The following ARHGEF28 variants were observed in gnomAD, a reference collection of about 807,000 sequenced individuals.
ARHGEF28 encodes the protein Rho guanine nucleotide exchange factor 28.
In ARHGEF28, 152 loss-of-function variants were observed where a neutral mutation model predicts 206.6. That is an observed-to-expected ratio of 0.74 (90% CI 0.64 to 0.84). ARHGEF28 has a LOEUF of 0.84. Ranked by LOEUF, ARHGEF28 falls within the 40% of genes least tolerant of loss-of-function variation. The pLI, the probability that ARHGEF28 is intolerant of heterozygous loss-of-function variation, is 0.00. For missense variants in ARHGEF28, 2,028 were observed against 2,073.2 expected (o/e 0.98, Z 0.42); for synonymous variants, 763 against 776.4 (o/e 0.98, Z 0.29).
chr5:73,732,864 G>C (rs1750698930), intron 2 of ARHGEF28, among the ~76,000 whole-genome samples: 1 of 152,078 alleles, frequency 6.6e-6, no homozygotes, highest in South Asian at 2.1e-4. Flanking sequence ...TGATTCTTTT[G>C]GTTTACAAAA....
At chr5:73,648,409 C>A (rs1478577558) in intron 1 of ARHGEF28, among the ~76,000 whole-genome samples, 1 of 152,104 alleles carries the variant, frequency 6.6e-6, no homozygotes, top group African/African-American at 2.4e-5. Flanking sequence ...GGAAATATGC[C>A]ATTTCTAGGA....
At chr5:73,819,604 C>A (rs899629073) in intron 9 of ARHGEF28, among the ~76,000 whole-genome samples, 11 of 152,088 alleles carry the variant, frequency 7.2e-5, no homozygotes, top group African/African-American at 2.7e-4. Flanking sequence ...AAGAAACCAG[C>A]CTGTAGTAGG....
At chr5:73,837,355 ATC>A (rs1400078221) in intron 10 of ARHGEF28, among the ~76,000 whole-genome samples, 1 of 151,972 alleles carries the variant, frequency 6.6e-6, no homozygotes, top group African/African-American at 2.4e-5. Context: ...CTTTCCATTT[ATC>A]TGTGTTGCTT....
intron 22 of ARHGEF28, among the ~76,000 whole-genome samples, chr5:73,876,179 G>A (rs1760472358): frequency 6.9e-6 from 1 of 144,946 alleles, no homozygotes; most frequent in Non-Finnish European, 1.5e-5. Context: ...TCTCTTTGAA[G>A]CAATTGTGAA....
At chr5:73,650,841 G>A (rs1277221437) in intron 1 of ARHGEF28, among the ~76,000 whole-genome samples, 1 of 151,924 alleles carries the variant, frequency 6.6e-6, no homozygotes, top group African/African-American at 2.4e-5. Flanking sequence ...GTAGAGACAG[G>A]GTTTTGTCAT....
At chr5:73,692,514 C>T (rs950092891) in intron 2 of ARHGEF28, among the ~76,000 whole-genome samples, 2 of 152,198 alleles carry the variant, frequency 1.3e-5, no homozygotes, top group African/African-American at 2.4e-5. Context: ...GAGTCACTGT[C>T]TCCTGCTGTG....
rs1217265446 is a variant in ARHGEF28 at position 73,885,751 on chromosome 5, C to T, written c.3056-99C>T. On this transcript the variant is annotated intron_variant, in intron 24 of 35. Coordinates refer to ENST00000513042, the MANE Select transcript of ARHGEF28 (RefSeq NM_001177693.2). ...TGGGATTTTTATTGTTTAGATGATA[C>T]ATTTAACTATATTTTAAAACTAAAG... 6 of 1,233,132 alleles carry T rather than the reference C, an allele frequency of 4.9e-6. No individual in the cohort carries two copies. The East Asian group carries it at 1.5e-4, about 32-fold the overall frequency. The allele number at this position is 1,233,132 out of a possible 1,614,324, so 76.4% of individuals were successfully genotyped here.
chr5:73,634,490 T>G (rs1743573206), intron 1 of ARHGEF28, among the ~76,000 whole-genome samples: 1 of 152,218 alleles, frequency 6.6e-6, no homozygotes, highest in Admixed American at 6.5e-5. Flanking sequence ...CACCACACTT[T>G]TAATAATCTG....
chr5:73,903,168 T>G (rs921789113), intron 31 of ARHGEF28: 3 of 152,200 alleles, frequency 2.0e-5, no homozygotes, highest in African/African-American at 7.2e-5. Flanking sequence ...ACTAATTGAA[T>G]TTAACAAGTT....
intron 6 of ARHGEF28, 97 bp downstream of exon 6, chr5:73,776,793 C>CT (rs1230688041): frequency 2.5e-6 from 3 of 1,185,798 alleles, no homozygotes; most frequent in African/African-American, 3.1e-5. Context: ...GGGGGTAGGA[C>CT]TTTTTTTAAT....
intron 33 of ARHGEF28, chr5:73,909,198 A>G (rs1228655734): frequency 9.9e-6 from 5 of 505,508 alleles, no homozygotes; most frequent in Non-Finnish European, 1.3e-5. Flanking sequence ...TTTTCTCTAT[A>G]AATTCACAGG....
chr5:73,840,722 T>G lies in ARHGEF28; in HGVS notation c.1389T>G (p.His463Gln). ...ACTTGAATCTTTCTTTTGGTTGGCATGGATTTGAAAAGGAACAAAGTCATC... is the reference window on the plus strand; with the variant it reads ...ACTTGAATCTTTCTTTTGGTTGGCAGGGATTTGAAAAGGAACAAAGTCATC... ...ASNLNLSFGW[H>Q]GFEKEQSHLK... Residue 463 changes from histidine to glutamine, a missense_variant, in exon 11 of 36, where the codon CAT becomes CAG. Coordinates refer to ENST00000513042, the MANE Select transcript of ARHGEF28 (RefSeq NM_001177693.2). 6.2e-7 allele frequency: 1 copy of G among 1,611,532 alleles called. No individual in the cohort carries two copies. The highest frequency in any genetic ancestry group is 1.1e-5 in the South Asian group (1 of 90,534).
At position 73,892,116 on chromosome 5, in the gene ARHGEF28, G is replaced by C. The variant is rs950328795; in HGVS notation, c.3452G>C (p.Arg1151Thr). 6.3e-7 allele frequency: 1 copy of C among 1,595,964 alleles called. No individual in the cohort carries two copies. The highest frequency in any genetic ancestry group is 1.1e-5 in the South Asian group (1 of 87,524). ...LIAREVANEE[R>T]GMFLISASSA... ...GCTAGAGAAGTTGCTAATGAGGAGA[G>C]AGGAATGTTTCTGATCAGTGCTTCA... The change falls in exon 27 of 36, where the codon AGA becomes ACA. Residue 1151 changes from arginine to threonine, a missense_variant. Physicochemically the swap from Arg to Thr is moderately conservative, Grantham distance 71 (BLOSUM62 -1). Coordinates refer to ENST00000513042, the MANE Select transcript of ARHGEF28 (RefSeq NM_001177693.2).
intron 1 of ARHGEF28, among the ~76,000 whole-genome samples, chr5:73,676,451 C>G (rs1746694817): frequency 6.6e-6 from 1 of 152,144 alleles, no homozygotes; most frequent in African/African-American, 2.4e-5. Flanking sequence ...GTTGGCCAGA[C>G]TGGTCTCGAA....
At chr5:73,707,743 A>G (rs567970697) in intron 2 of ARHGEF28, among the ~76,000 whole-genome samples, 1 of 152,328 alleles carries the variant, frequency 6.6e-6, no homozygotes, top group South Asian at 2.1e-4. Context: ...TTAACCAAAG[A>G]AAGTCATTAG....
chr5:73,665,329 T>A (rs1192191599), intron 1 of ARHGEF28, among the ~76,000 whole-genome samples: 1 of 152,164 alleles, frequency 6.6e-6, no homozygotes, highest in Non-Finnish European at 1.5e-5. Flanking sequence ...GTCTATTTAT[T>A]TATTTTTTTA....
chr5:73,890,271 C>A (rs1241588307), intron 26 of ARHGEF28, among the ~76,000 whole-genome samples: 1 of 152,228 alleles, frequency 6.6e-6, no homozygotes, highest in Non-Finnish European at 1.5e-5. Context: ...CCCTCCCCTG[C>A]AACACTAACC....
intron 9 of ARHGEF28, among the ~76,000 whole-genome samples, chr5:73,818,112 G>T (rs1756343665): frequency 6.6e-6 from 1 of 152,118 alleles, no homozygotes; most frequent in Non-Finnish European, 1.5e-5. Flanking sequence ...AGAGGGGGCT[G>T]GGAGTGCTTT....
intron 7 of ARHGEF28, among the ~76,000 whole-genome samples, chr5:73,783,094 G>A (rs1753941268): frequency 6.6e-6 from 1 of 152,152 alleles, no homozygotes; most frequent in Admixed American, 6.5e-5. Context: ...GGGGCTTACA[G>A]TTTGAGGTTG....
Sources: allele counts gnomAD v4.1 joint callset (sites outside exome capture counted in the v4.1 genomes callset), GRCh38; gene constraint gnomAD v4.1.1; transcripts MANE v1.5; gene names NCBI Gene and HGNC (gene_info 2026-07-23, HGNC 2026-07-21).